The following ACO2 variants were observed in gnomAD, a reference collection of about 807,000 sequenced individuals.
The protein encoded by ACO2 is aconitate hydratase, mitochondrial.
A neutral mutation model predicts 84.5 loss-of-function variants in ACO2; 31 were observed. That is an observed-to-expected ratio of 0.37 (90% confidence interval 0.28 to 0.50). The LOEUF is 0.50. Ranked by LOEUF, ACO2 falls within the 20% of genes least tolerant of loss-of-function variation. ACO2 has a pLI of 0.97. For synonymous variants in ACO2, 414 were observed against 412.7 expected, an observed-to-expected ratio of 1.00 and a Z score of -0.04; for missense variants, 685 against 1,029.3, an observed-to-expected ratio of 0.67 and a Z score of 4.58.
At chr22:41,506,661 G>A (rs982375406) in intron 2 of ACO2, among the ~76,000 whole-genome samples, 1 of 152,084 alleles carries the variant, frequency 6.6e-6, no homozygotes, top group Non-Finnish European at 1.5e-5. Flanking sequence ...AGGATTACAG[G>A]CGTGAGCCAC....
intron 1 of ACO2, among the ~76,000 whole-genome samples, chr22:41,472,626 T>C (rs930267092): frequency 1.3e-5 from 2 of 152,168 alleles, no homozygotes; most frequent in African/African-American, 4.8e-5. Context: ...TTGTTTTGTT[T>C]TTTTAAAGAA....
intron 10 of ACO2, 103 bp downstream of exon 10, chr22:41,523,090 C>G: frequency 6.4e-7 from 1 of 1,553,562 alleles, no homozygotes; most frequent in African/African-American, 1.4e-5. Flanking sequence ...TGGGGCAGGT[C>G]CCAGTGGCTG....
At chr22:41,526,727 G>A (rs913391799) in intron 15 of ACO2, 7 of 408,084 alleles carry the variant, frequency 1.7e-5, no homozygotes, top group Non-Finnish European at 3.1e-5. Context: ...AAGGAAGGGG[G>A]CCGACTCAGG....
At chr22:41,514,378 C>T (rs1348115670) in intron 4 of ACO2, among the ~76,000 whole-genome samples, 1 of 152,210 alleles carries the variant, frequency 6.6e-6, no homozygotes, top group Non-Finnish European at 1.5e-5. Flanking sequence ...CTATTCTGTG[C>T]CTCATGGACA....
chr22:41,525,538 C>T (rs966899591), intron 14 of ACO2, among the ~76,000 whole-genome samples, 190 bp downstream of exon 14: 29 of 152,194 alleles, frequency 1.9e-4, no homozygotes, highest in Non-Finnish European at 3.8e-4. Context: ...TCTGTGGCCC[C>T]GAACTGGGCA....
chr22:41,526,142 CCTCTCACCCCT>C, intron 14 of ACO2, 109 bp from the exon 15 acceptor site: 8 of 815,586 alleles, frequency 9.8e-6, no homozygotes, highest in Non-Finnish European at 1.2e-5. Flanking sequence ...GACTTGCCTG[CCTCTCACCCCT>C]CTGTCACCCC....
chr22:41,512,981 TA>T (rs1221138001), intron 4 of ACO2, among the ~76,000 whole-genome samples: 4 of 152,294 alleles, frequency 2.6e-5, no homozygotes, highest in Admixed American at 2.6e-4. Flanking sequence ...AGTCAGGCTG[TA>T]ATCTGACGCC....
intron 8 of ACO2, among the ~76,000 whole-genome samples, chr22:41,519,530 GC>G (rs1299764794): frequency 1.3e-5 from 2 of 152,310 alleles, no homozygotes; most frequent in East Asian, 3.9e-4. Flanking sequence ...AAGCGGCCGG[GC>G]ATGGTGGCTG....
chr22:41,514,252 G>C (rs768266764), intron 4 of ACO2, among the ~76,000 whole-genome samples: 2 of 152,172 alleles, frequency 1.3e-5, no homozygotes, highest in African/African-American at 2.4e-5. Flanking sequence ...CCTCTCATGT[G>C]TTCTTCCCCA....
intron 1 of ACO2, among the ~76,000 whole-genome samples, chr22:41,497,838 A>G (rs2066325936): frequency 1.4e-5 from 2 of 146,668 alleles, no homozygotes; most frequent in Non-Finnish European, 3.0e-5. Context: ...AGCCAAGATC[A>G]TGCCACTGCA....
chr22:41,487,455 C>A (rs2066236275), intron 1 of ACO2, among the ~76,000 whole-genome samples: 1 of 152,178 alleles, frequency 6.6e-6, no homozygotes, highest in Non-Finnish European at 1.5e-5. Context: ...AATTCAGGCA[C>A]CACAACACAT....
chr22:41,491,307 G>C (rs1316697278), intron 1 of ACO2, among the ~76,000 whole-genome samples: 2 of 152,156 alleles, frequency 1.3e-5, no homozygotes, highest in African/African-American at 4.8e-5. Flanking sequence ...ACTGCCAGGG[G>C]CCCATGAGCA....
At chr22:41,477,849 G>A (rs1322745106) in intron 1 of ACO2, among the ~76,000 whole-genome samples, 6 of 151,954 alleles carry the variant, frequency 3.9e-5, no homozygotes, top group South Asian at 2.1e-4. Context: ...GGTGGATCAC[G>A]AGGTCAGGAG....
intron 3 of ACO2, among the ~76,000 whole-genome samples, chr22:41,510,373 C>T (rs1417399561): frequency 6.6e-6 from 1 of 152,100 alleles, no homozygotes; most frequent in Non-Finnish European, 1.5e-5. Context: ...CATAAGTGAC[C>T]GATTTGTAAA....
intron 1 of ACO2, among the ~76,000 whole-genome samples, chr22:41,484,507 T>C (rs1287794012): frequency 1.3e-5 from 2 of 152,188 alleles, no homozygotes; most frequent in Admixed American, 6.5e-5. Flanking sequence ...CTCCATGAAA[T>C]ATATCTTGCT....
chr22:41,485,830 G>A (rs976060458), intron 1 of ACO2, among the ~76,000 whole-genome samples: 2 of 151,850 alleles, frequency 1.3e-5, no homozygotes, highest in Non-Finnish European at 2.9e-5. Context: ...CAGGTGATCC[G>A]CCTTTCTTGG....
chr22:41,496,708 C>T (rs1407281879), intron 1 of ACO2, among the ~76,000 whole-genome samples: 1 of 152,174 alleles, frequency 6.6e-6, no homozygotes, highest in Non-Finnish European at 1.5e-5. Context: ...TTCTTTGCAC[C>T]TACCCAGTGA....
At chr22:41,476,350 T>C (rs1051217628) in intron 1 of ACO2, among the ~76,000 whole-genome samples, 2 of 150,522 alleles carry the variant, frequency 1.3e-5, no homozygotes, top group African/African-American at 4.9e-5. Context: ...GAGGTTGTAC[T>C]GAGTTAAGAT....
intron 4 of ACO2, among the ~76,000 whole-genome samples, chr22:41,514,790 C>T (rs191605262): frequency 2.8e-4 from 42 of 152,308 alleles, no homozygotes; most frequent in South Asian, 4.1e-4. Flanking sequence ...AGGGTGGCAT[C>T]GCGCCTTGAG....
Sources: allele counts gnomAD v4.1 joint callset (sites outside exome capture counted in the v4.1 genomes callset), GRCh38; gene constraint gnomAD v4.1.1; transcripts MANE v1.5; gene names NCBI Gene and HGNC (gene_info 2026-07-23, HGNC 2026-07-21).